The following KCNQ1 variants were observed in gnomAD, a reference collection of about 807,000 sequenced individuals.
KCNQ1 encodes potassium voltage-gated channel subfamily Q member 1, also known as potassium voltage-gated channel subfamily KQT member 1.
KCNQ1 carries 49 observed loss-of-function variants against 72.4 expected under a neutral mutation model. The observed-to-expected ratio is 0.68, with a 90% CI of 0.54 to 0.86. The LOEUF (loss-of-function observed/expected upper bound fraction) is 0.86, where lower values mean the gene tolerates loss of function less well. Among genes scored for constraint, KCNQ1 ranks in the 40% least tolerant of loss-of-function variants. The pLI is 0.00. For missense variants in KCNQ1, 790 were observed against 945.1 expected, an observed-to-expected ratio of 0.84 and a Z score of 2.15; for synonymous variants, 450 against 412.6, an observed-to-expected ratio of 1.09 and a Z score of -1.10.
rs1564891185 is a variant in KCNQ1, at chr11:2,781,377, C to A, written c.1794+3340C>A. Among the ~76,000 whole-genome samples, 1 of 152,144 alleles carries A rather than the reference C, an allele frequency of 6.6e-6. No homozygotes were observed. Among genetic ancestry groups the A allele is most frequent in the Non-Finnish European group, 1.5e-5 (1 of 68,044 alleles). On this transcript the variant is annotated intron_variant, in intron 15 of 15. Transcript: ENST00000155840. The surrounding 1 kb of genome is among the most constrained non-coding windows in gnomAD (Gnocchi z 6.6). ...GAGCAAGGAGGGGTTTCATATCACC[C>A]AAAGTCCGTATGGAGAGGCTGAGGA...
rs918753247 is a variant in KCNQ1 at position 2,750,154 on chromosome 11, G to T, written c.1515-18690G>T. Among the ~76,000 whole-genome samples, 1 of 152,152 alleles carries T rather than the reference G, an allele frequency of 6.6e-6. No individual in the cohort carries two copies. Among genetic ancestry groups the T allele is most frequent in the Non-Finnish European group, 1.5e-5 (1 of 68,032 alleles). ...ACCCCACCTGAGTGAGGCACTGTGG[G>T]CCCAGAGTCCAGGTCAGCGCCAGGG... On this transcript the variant is annotated intron_variant, in intron 11 of 15. Transcript: ENST00000155840. This position sits in a 1 kb window ranked among gnomAD's most constrained non-coding sequence, Gnocchi z 6.3.
chr11:2,632,964 C>T (rs1478473263), intron 10 of KCNQ1: 2 of 398,282 alleles, frequency 5.0e-6, no homozygotes, highest in Non-Finnish European at 8.8e-6. Context: ...GTATGATAGT[C>T]TACTTTTAGT....
rs141158179 is a variant in KCNQ1 at position 2,648,269 on chromosome 11, A to T, written c.1394-13692A>T. The T allele has an allele frequency of 1.0e-3, 412 of 398,428 alleles. 2 individuals carry two copies. Among genetic ancestry groups the T allele is most frequent in the Middle Eastern group, 8.2e-3 (13 of 1,584 alleles). 24.7% of individuals were successfully genotyped at this position (398,428 alleles called of 1,614,324 possible). A position where few individuals can be genotyped will look rare whatever the true frequency, so the allele number is the denominator to read the frequency against. ...CTTTTTTACCTTTTATCTCTATTTC[A>T]TTTAGATCTGCTCTGATCTTTACTA... On this transcript the variant is annotated intron_variant, in intron 10 of 15. Coordinates refer to ENST00000155840, the MANE Select transcript of KCNQ1 (RefSeq NM_000218.3).
intron 1 of KCNQ1, among the ~76,000 whole-genome samples, chr11:2,454,203 G>T (rs1285526547): frequency 6.6e-6 from 1 of 151,938 alleles, no homozygotes; most frequent in African/African-American, 2.4e-5. Context: ...AATCTTAAAA[G>T]TTTACCTCAA....
At position 2,723,911 on chromosome 11, in the gene KCNQ1, C is replaced by T. The variant is rs1047793193; in HGVS notation, c.1515-44933C>T. Among the ~76,000 whole-genome samples, 4 of 152,224 alleles carry T rather than the reference C, an allele frequency of 2.6e-5. No individual in the cohort carries two copies. Among genetic ancestry groups the T allele is most frequent in the Non-Finnish European group, 5.9e-5 (4 of 68,044 alleles). Reference sequence around the variant, plus strand: ...AGGAAGTCACACGTTGGGGGATGTGCCGCAGGGATGGGGCATCTCAGCCTT... The same window carrying T: ...AGGAAGTCACACGTTGGGGGATGTGTCGCAGGGATGGGGCATCTCAGCCTT... On this transcript the variant is annotated intron_variant, in intron 11 of 15. Transcript: ENST00000155840. This position sits in a 1 kb window ranked among gnomAD's most constrained non-coding sequence, Gnocchi z 4.2.
rs1002990969 is a variant in KCNQ1 at position 2,826,396 on chromosome 11, G to T, written c.1795-21371G>T. Reference sequence around the variant, plus strand: ...AGGCCAGCTGGGGGTCAGAACCCGCGGCCAGGCCCAGCAGCCGCCTCTTGG... The same window carrying T: ...AGGCCAGCTGGGGGTCAGAACCCGCTGCCAGGCCCAGCAGCCGCCTCTTGG... On this transcript the variant is annotated intron_variant, in intron 15 of 15. Transcript: ENST00000155840. This position sits in a 1 kb window ranked among gnomAD's most constrained non-coding sequence, Gnocchi z 4.2. Among the ~76,000 whole-genome samples, 21 of 152,342 alleles carry T rather than the reference G, an allele frequency of 1.4e-4. No individual in the cohort carries two copies. Among genetic ancestry groups the T allele is most frequent in the African/African-American group, 5.0e-4 (21 of 41,590 alleles).
chr11:2,659,347 C>T lies in KCNQ1; in HGVS notation c.1394-2614C>T, dbSNP rs1590012500. On this transcript the variant is annotated intron_variant, in intron 10 of 15. Coordinates refer to ENST00000155840, the MANE Select transcript of KCNQ1 (RefSeq NM_000218.3). This position sits in a 1 kb window ranked among gnomAD's most constrained non-coding sequence, Gnocchi z 4.3. ...TTCTAGAATGTCCTATAAATGGGAT[C>T]CTATAATATGTATTCTTTTGCATCT... 5.0e-6 allele frequency: 2 copies of T among 398,590 alleles called. No homozygotes were observed. Among genetic ancestry groups the T allele is most frequent in the Middle Eastern group, 6.3e-4 (1 of 1,586 alleles). The allele number at this position is 398,590 out of a possible 1,614,324, so 24.7% of individuals were successfully genotyped here.
chr11:2,632,044 A>G, intron 10 of KCNQ1: 1 of 396,324 alleles, frequency 2.5e-6, no homozygotes, highest in Non-Finnish European at 4.4e-6. Context: ...TTAGCCAGGC[A>G]TAGCAGCGTG....
chr11:2,641,558 T>C, intron 10 of KCNQ1: 5 of 398,556 alleles, frequency 1.3e-5, no homozygotes, highest in Non-Finnish European at 2.2e-5. Context: ...ATGAGTAGTT[T>C]GCAAATATTT....
intron 15 of KCNQ1, among the ~76,000 whole-genome samples, chr11:2,789,681 A>G (rs1590089046): frequency 6.6e-6 from 1 of 152,270 alleles, no homozygotes; most frequent in South Asian, 2.1e-4. Context: ...TCCCAGGCCC[A>G]GCTCCTGGGC....
chr11:2,522,552 G>T (rs1847406251), intron 1 of KCNQ1, among the ~76,000 whole-genome samples: 1 of 152,242 alleles, frequency 6.6e-6, no homozygotes, highest in Non-Finnish European at 1.5e-5. Flanking sequence ...CCCGAGACAA[G>T]AATAGATAAA....
Position 2,669,256 on chromosome 11 carries a change from T to C in KCNQ1, c.1514+7175T>C, listed in dbSNP as rs1850139062. The C allele has an allele frequency of 2.5e-6, 1 of 398,580 alleles. No homozygotes were observed. The highest frequency in any genetic ancestry group is 3.6e-5 in the East Asian group (1 of 28,098). The allele number at this position is 398,580 out of a possible 1,614,324, so 24.7% of individuals were successfully genotyped here. Reference sequence around the variant, plus strand: ...GGCTCTGGCTGCTTCTCCTTCCCCATCACTGGCTTTGCTGTCTTTGCAGGG... The same window carrying C: ...GGCTCTGGCTGCTTCTCCTTCCCCACCACTGGCTTTGCTGTCTTTGCAGGG... On this transcript the variant is annotated intron_variant, in intron 11 of 15. Transcript: ENST00000155840. This position sits in a 1 kb window ranked among gnomAD's most constrained non-coding sequence, Gnocchi z 5.6.
chr11:2,791,812 C>A (rs976917829), intron 15 of KCNQ1, among the ~76,000 whole-genome samples: 2 of 152,234 alleles, frequency 1.3e-5, no homozygotes, highest in African/African-American at 4.8e-5. Flanking sequence ...GCGGTGGGAC[C>A]GGCTTCCTGC....
intron 10 of KCNQ1, chr11:2,634,102 G>A: frequency 2.6e-6 from 1 of 385,928 alleles, no homozygotes; most frequent in South Asian, 1.4e-4. Flanking sequence ...TAAGGATTGT[G>A]TTTTTGCTAT....
intron 15 of KCNQ1, among the ~76,000 whole-genome samples, chr11:2,820,317 A>C (rs1188764457): frequency 6.6e-6 from 1 of 152,194 alleles, no homozygotes; most frequent in African/African-American, 2.4e-5. Flanking sequence ...TCTTTAATCA[A>C]AGAGTTATTT....
intron 15 of KCNQ1, among the ~76,000 whole-genome samples, chr11:2,812,004 C>T (rs1847497550): frequency 1.3e-5 from 2 of 152,146 alleles, no homozygotes; most frequent in Admixed American, 6.5e-5. Flanking sequence ...GGCTGTGCCG[C>T]CTCTCGTTCC....
At position 2,720,966 on chromosome 11, in the gene KCNQ1, G is replaced by A. The variant is rs1239928425; in HGVS notation, c.1515-47878G>A. 6.6e-6 allele frequency among the ~76,000 whole-genome samples: 1 copy of A among 152,154 alleles called. No individual in the cohort carries two copies. Among genetic ancestry groups the A allele is most frequent in the Non-Finnish European group, 1.5e-5 (1 of 68,034 alleles). On this transcript the variant is annotated intron_variant, in intron 11 of 15. Transcript: ENST00000155840. The surrounding 1 kb of genome is among the most constrained non-coding windows in gnomAD (Gnocchi z 5.1). ...CATCCCAGGGGCTCTCAGATTTCCAGGGACTCGGGCAGGCACAGCTTTCCA... is the reference window on the plus strand; with the variant it reads ...CATCCCAGGGGCTCTCAGATTTCCAAGGACTCGGGCAGGCACAGCTTTCCA...
rs778151566 is a variant in KCNQ1 at position 2,662,634 on chromosome 11, C to T, written c.1514+553C>T. 6.3e-4 allele frequency: 257 copies of T among 409,214 alleles called. No individual in the cohort carries two copies. Among genetic ancestry groups the T allele is most frequent in the Non-Finnish European group, 9.1e-4 (210 of 231,820 alleles). The allele number at this position is 409,214 out of a possible 1,614,324, so 25.3% of individuals were successfully genotyped here. On this transcript the variant is annotated intron_variant, in intron 11 of 15. Coordinates refer to ENST00000155840, the MANE Select transcript of KCNQ1 (RefSeq NM_000218.3). ...CATGGCCAGGCCAATCCCCGGTGCC[C>T]GGCCACGGTGTGATTCCCCTGCGAC...
chr11:2,705,529 G>A (rs1850894440), intron 11 of KCNQ1, among the ~76,000 whole-genome samples: 1 of 152,180 alleles, frequency 6.6e-6, no homozygotes, highest in South Asian at 2.1e-4. Flanking sequence ...ATTGCCTGCA[G>A]GGCCTTTTCT....
Sources: allele counts gnomAD v4.1 joint callset (sites outside exome capture counted in the v4.1 genomes callset), GRCh38; gene constraint gnomAD v4.1.1; non-coding constraint Gnocchi (gnomAD v3.1); transcripts MANE v1.5; gene names NCBI Gene and HGNC (gene_info 2026-07-23, HGNC 2026-07-21).